The following FAM221B variants were observed in gnomAD, a reference collection of about 807,000 sequenced individuals.
FAM221B encodes family with sequence similarity 221 member B, also known as protein FAM221B.
Under a neutral mutation model 39.8 loss-of-function variants are expected in FAM221B, and 35 were observed. The observed-to-expected ratio is 0.88, with a 90% CI of 0.67 to 1.17. FAM221B has a LOEUF of 1.17. FAM221B is among the 50% of genes most tolerant of loss of function. The pLI is 0.00. For synonymous variants in FAM221B, 158 were observed against 178.1 expected, an observed-to-expected ratio of 0.89 and a Z score of 0.90; for missense variants, 479 against 503.1, an observed-to-expected ratio of 0.95 and a Z score of 0.46.
intron 6 of FAM221B, 111 bp from the exon 7 acceptor site, chr9:35,818,617 GA>G: frequency 8.6e-7 from 1 of 1,162,662 alleles, no homozygotes; most frequent in Non-Finnish European, 1.3e-6. Flanking sequence ...TGGGAGCTGG[GA>G]AGGCCAGAGG....
rs572658848 is a variant in FAM221B, at chr9:35,816,902, A to T, written c.*1567T>A. ...CTCTTCTCTGGGCCCCAGAGGCTGC[A>T]GTTCTCTGTGGTGCCTCTGGGACAC... On this transcript the variant is annotated 3_prime_UTR_variant, in exon 7 of 7. Coordinates refer to ENST00000423537, the MANE Select transcript of FAM221B (RefSeq NM_001012446.4). 1 of 152,230 alleles carries T rather than the reference A, an allele frequency of 6.6e-6. No homozygotes were observed. Among genetic ancestry groups the T allele is most frequent in the South Asian group, 2.1e-4 (1 of 4,820 alleles). 9.4% of individuals were successfully genotyped at this position (152,230 alleles called of 1,614,324 possible).
Position 35,825,404 on chromosome 9 carries a change from G to T in FAM221B, c.599-31C>A, listed in dbSNP as rs748713245. 1.5e-5 allele frequency: 24 copies of T among 1,613,208 alleles called. No individual in the cohort carries two copies. Among genetic ancestry groups the T allele is most frequent in the Non-Finnish European group, 1.9e-5 (22 of 1,179,834 alleles). ...ATGGGAGAGGATGAGTAACCAGGGG[G>T]AAGTGAGAAGGCCCTAAAACTAAGA... On this transcript the variant is annotated intron_variant, in intron 2 of 6. Transcript: ENST00000423537. The surrounding 1 kb of genome is among the most constrained non-coding windows in gnomAD (Gnocchi z 4.2).
In FAM221B at chr9:35,826,524, C is replaced by A. The variant is rs567742282; in HGVS notation, c.1-363G>T. 5.9e-5 allele frequency among the ~76,000 whole-genome samples: 9 copies of A among 152,268 alleles called. No homozygotes were observed. In the South Asian group the frequency reaches 1.9e-3, roughly 32 times the overall value. On this transcript the variant is annotated intron_variant, in intron 1 of 6. Coordinates refer to ENST00000423537, the MANE Select transcript of FAM221B (RefSeq NM_001012446.4). ...GCAGGGTCCTTGGCATATCTTAAAA[C>A]CCTGGAGGTCAGACCATGGAGTTCT...
At chr9:35,821,772 A>G (rs1829157049) in intron 3 of FAM221B, 2 of 406,562 alleles carry the variant, frequency 4.9e-6, no homozygotes, top group Non-Finnish European at 9.2e-6. Context: ...GAGTTTGAAC[A>G]GGGAGACTGG....
chr9:35,821,926 G>T (rs934813025), intron 3 of FAM221B, among the ~76,000 whole-genome samples: 1 of 152,200 alleles, frequency 6.6e-6, no homozygotes, highest in African/African-American at 2.4e-5. Context: ...GGCCTGGCGG[G>T]GGAGGAGACA....
At chr9:35,820,064 C>T (rs1249203658) in intron 3 of FAM221B, 64 bp from the exon 4 acceptor site, 3 of 1,218,576 alleles carry the variant, frequency 2.5e-6, no homozygotes, top group Non-Finnish European at 1.2e-6. Context: ...GTGTTCTTAC[C>T]TATCCCTTGA....
Position 35,819,979 on chromosome 9 carries a change from C to A in FAM221B, c.764G>T (p.Cys255Phe), listed in dbSNP as rs1015035500. 1 of 1,613,472 alleles carries A rather than the reference C, an allele frequency of 6.2e-7. No homozygotes were observed. Among genetic ancestry groups the A allele is most frequent in the African/African-American group, 1.3e-5 (1 of 74,860 alleles). Residue 255 changes from cysteine to phenylalanine, a missense_variant, in exon 4 of 7, where the codon TGC (cysteine) becomes TTC (phenylalanine). Physicochemically the swap from Cys to Phe is radical, Grantham distance 205. Coordinates refer to ENST00000423537, the MANE Select transcript of FAM221B (RefSeq NM_001012446.4). ...IQTGLYIGWR[C>F]PHYLWDCFRI... ...GAAACAGTCCCATAGGTAATGGGGG[C>A]AGCGCCAGCCAATGTAGAGACCTAG...
chr9:35,825,541 T>A lies in FAM221B; in HGVS notation c.598+23A>T, dbSNP rs1473350193. 7.5e-6 allele frequency: 12 copies of A among 1,593,882 alleles called. No individual in the cohort carries two copies. Among genetic ancestry groups the A allele is most frequent in the Non-Finnish European group, 9.4e-6 (11 of 1,167,780 alleles). ...GAGGACAGGTACAATTACAGCTAAC[T>A]CCTTTCTTCTTCTTCTTCTTGCCTA... On this transcript the variant is annotated intron_variant, in intron 2 of 6. Transcript: ENST00000423537. This position sits in a 1 kb window ranked among gnomAD's most constrained non-coding sequence, Gnocchi z 4.2.
In FAM221B at chr9:35,818,318, G is replaced by A; in HGVS notation, c.*151C>T. On this transcript the variant is annotated 3_prime_UTR_variant, in exon 7 of 7. Coordinates refer to ENST00000423537, the MANE Select transcript of FAM221B (RefSeq NM_001012446.4). ...CAGCTTGAATGTGAGTGTGATGGAG[G>A]CAGATGGCCAGATCCAGGCTTTCTC... 1.4e-6 allele frequency: 1 copy of A among 703,596 alleles called. No individual in the cohort carries two copies. Among genetic ancestry groups the A allele is most frequent in the Admixed American group, 2.3e-5 (1 of 44,286 alleles). The allele number at this position is 703,596 out of a possible 1,614,324, so 43.6% of individuals were successfully genotyped here. A position where few individuals can be genotyped will look rare whatever the true frequency, so the allele number is the denominator to read the frequency against.
rs1362273531 is a variant in FAM221B, at chr9:35,818,904, C to T, written c.1157G>A (p.Gly386Glu). Residue 386 changes from glycine to glutamate, a missense_variant, in exon 6 of 7, where the codon GGA becomes GAA. Gly to Glu is a moderately conservative substitution (Grantham distance 98, BLOSUM62 -2). Coordinates refer to ENST00000423537, the MANE Select transcript of FAM221B (RefSeq NM_001012446.4). ...FFDTQKTRQR[G>E]GRPRGTDTVS... Reference sequence around the variant, plus strand: ...TTCTGCCTCACCGCGAGGCCTTCCTCCTCGTTGCCGGGTCTTCTGGGTGTC... The same window carrying T: ...TTCTGCCTCACCGCGAGGCCTTCCTTCTCGTTGCCGGGTCTTCTGGGTGTC... 3.9e-6 allele frequency: 6 copies of T among 1,551,940 alleles called. No individual in the cohort carries two copies. The highest frequency in any genetic ancestry group is 2.4e-5 in the South Asian group (2 of 84,062).
chr9:35,825,618 C>G lies in FAM221B; in HGVS notation c.544G>C (p.Gly182Arg). ...GCAGTGCTGTCACTGGCATCTACTC[C>G]CTTTTCAACCTCTCCTGCTTCTTCC... ...QEEEAGEVEK[G>R]VDASDSTAHT... The change falls in exon 2 of 7, where the codon GGA becomes CGA. Residue 182 changes from glycine to arginine, a missense_variant. Transcript: ENST00000423537. The surrounding 1 kb of genome is among the most constrained non-coding windows in gnomAD (Gnocchi z 4.2). 1 of 1,614,124 alleles carries G rather than the reference C, an allele frequency of 6.2e-7. No homozygotes were observed. Among genetic ancestry groups the G allele is most frequent in the Non-Finnish European group, 8.5e-7 (1 of 1,180,008 alleles).
rs1163642991 is a variant in FAM221B at position 35,825,367 on chromosome 9, G to C, written c.605C>G (p.Thr202Arg). ...TAQPGHQLGN[T>R]ARPVFPARQT... Reference sequence around the variant, plus strand: ...CCTAGCAGGGAACACTGGGCGGGCTGTGTTACCTAGGATGGGAGAGGATGA... The same window carrying C: ...CCTAGCAGGGAACACTGGGCGGGCTCTGTTACCTAGGATGGGAGAGGATGA... The change falls in exon 3 of 7, where the codon ACA becomes AGA. Residue 202 changes from threonine (T) to arginine (R), a missense_variant. Transcript: ENST00000423537. This position sits in a 1 kb window ranked among gnomAD's most constrained non-coding sequence, Gnocchi z 4.2. 13 of 1,613,980 alleles carry C rather than the reference G, an allele frequency of 8.1e-6. No individual in the cohort carries two copies. The highest frequency in any genetic ancestry group is 9.3e-6 in the Non-Finnish European group (11 of 1,180,048).
intron 3 of FAM221B, 82 bp from the exon 4 acceptor site, chr9:35,820,082 G>A (rs551595827): frequency 3.1e-6 from 3 of 973,382 alleles, no homozygotes; most frequent in Non-Finnish European, 4.8e-6. Context: ...TGATGGAGGT[G>A]AGGGGGTGGG....
At chr9:35,823,209 T>G (rs1313517628) in intron 3 of FAM221B, among the ~76,000 whole-genome samples, 1 of 152,152 alleles carries the variant, frequency 6.6e-6, no homozygotes, top group Non-Finnish European at 1.5e-5. Context: ...AGATGCCCCT[T>G]TTTTTTCTGC....
At chr9:35,826,664 T>C (rs1829376657) in intron 1 of FAM221B, 1 of 157,146 alleles carries the variant, frequency 6.4e-6, no homozygotes, top group Non-Finnish European at 1.4e-5. Context: ...ACCACACACA[T>C]CCTCCTCCCT....
Position 35,818,397 on chromosome 9 carries a change from G to A in FAM221B, c.*72C>T, listed in dbSNP as rs150993528. ...TATTAGGCAGTCTCTCCCTGGGCTGGGATCTACCTGCCCCATATAGAGCCA... is the reference window on the plus strand; with the variant it reads ...TATTAGGCAGTCTCTCCCTGGGCTGAGATCTACCTGCCCCATATAGAGCCA... On this transcript the variant is annotated 3_prime_UTR_variant, in exon 7 of 7. Coordinates refer to ENST00000423537, the MANE Select transcript of FAM221B (RefSeq NM_001012446.4). 1 of 1,398,164 alleles carries A rather than the reference G, an allele frequency of 7.2e-7. No individual in the cohort carries two copies. Among genetic ancestry groups the A allele is most frequent in the Non-Finnish European group, 9.9e-7 (1 of 1,007,700 alleles). The allele number at this position is 1,398,164 out of a possible 1,614,324, so 86.6% of individuals were successfully genotyped here.
intron 6 of FAM221B, 111 bp from the exon 7 acceptor site, chr9:35,818,617 G>A: frequency 3.4e-6 from 4 of 1,162,664 alleles, no homozygotes; most frequent in Non-Finnish European, 5.0e-6. Flanking sequence ...TGGGAGCTGG[G>A]AAGGCCAGAG....
rs950504572 is a variant in FAM221B, at chr9:35,818,273, A to G, written c.*196T>C. 1 of 596,532 alleles carries G rather than the reference A, an allele frequency of 1.7e-6. No individual in the cohort carries two copies. Among genetic ancestry groups the G allele is most frequent in the African/African-American group, 1.9e-5 (1 of 53,974 alleles). The allele number at this position is 596,532 out of a possible 1,614,324, so 37.0% of individuals were successfully genotyped here. A position where few individuals can be genotyped will look rare whatever the true frequency, so the allele number is the denominator to read the frequency against. On this transcript the variant is annotated 3_prime_UTR_variant, in exon 7 of 7. Transcript: ENST00000423537. ...CTTCCTCCCTTCTTGACTTCCTTGAAGCCACTTTCCTTCAACAGGCAGCTT... is the reference window on the plus strand; with the variant it reads ...CTTCCTCCCTTCTTGACTTCCTTGAGGCCACTTTCCTTCAACAGGCAGCTT...
At chr9:35,819,147 C>A in intron 5 of FAM221B, 50 bp downstream of exon 5, 1 of 1,535,556 alleles carries the variant, frequency 6.5e-7, no homozygotes. Flanking sequence ...CAGATTGCAT[C>A]CTATCCCCAC....
Sources: gnomAD v4.1 joint callset for allele counts (sites outside exome capture counted in the v4.1 genomes callset) on GRCh38, gnomAD v4.1.1 for gene constraint, Gnocchi (gnomAD v3.1) non-coding constraint, MANE v1.5 for transcripts, NCBI Gene and HGNC (gene_info 2026-07-23, HGNC 2026-07-21) for gene names.